JMJD1C: variants seen among roughly 807,000 people sequenced by gnomAD.
The protein encoded by JMJD1C is jumonji domain-containing protein 1C.
In JMJD1C, 31 loss-of-function variants were observed where a neutral mutation model predicts 245.3. The ratio of observed to expected loss-of-function variants is 0.13; its 90% CI spans 0.09 to 0.17. The LOEUF (loss-of-function observed/expected upper bound fraction) is 0.17, where lower values mean the gene tolerates loss of function less well. Ranked by LOEUF, JMJD1C falls within the 10% of genes least tolerant of loss-of-function variation. The pLI is 1.00. For synonymous variants in JMJD1C, 1,057 were observed against 1,017.4 expected, an observed-to-expected ratio of 1.04 and a Z score of -0.74; for missense variants, 2,691 against 3,000.2, an observed-to-expected ratio of 0.90 and a Z score of 2.41.
chr10:63,480,084 A>AT (rs961010790), intron 1 of JMJD1C, among the ~76,000 whole-genome samples: 9 of 152,242 alleles, frequency 5.9e-5, no homozygotes, highest in Admixed American at 1.3e-4. Flanking sequence ...TACTTTGACA[A>AT]TTTTTTTAAA....
intron 2 of JMJD1C, among the ~76,000 whole-genome samples, chr10:63,308,039 AC>A (rs372130823): frequency 6.6e-5 from 10 of 152,106 alleles, no homozygotes; most frequent in African/African-American, 2.4e-4. Context: ...CTGTAATACC[AC>A]CTACTCAGGA....
chr10:63,401,348 C>T (rs941089330), intron 1 of JMJD1C, among the ~76,000 whole-genome samples: 2 of 151,988 alleles, frequency 1.3e-5, no homozygotes, highest in African/African-American at 4.8e-5. Context: ...TTACTTTGGC[C>T]AACAGGTTGT....
At chr10:63,467,579 T>C (rs770677700), upstream of JMJD1C, among the ~76,000 whole-genome samples, 40 of 152,208 alleles carry the variant, frequency 2.6e-4, no homozygotes, top group Non-Finnish European at 7.3e-5. Context: ...AAAATGCATA[T>C]CGGCAAGTTG....
intron 1 of JMJD1C, among the ~76,000 whole-genome samples, chr10:63,421,733 G>T (rs1026080942): frequency 2.6e-5 from 4 of 152,110 alleles, no homozygotes; most frequent in Admixed American, 2.6e-4. Flanking sequence ...ATTAAGACTG[G>T]AGTACTTTTA....
At chr10:63,478,407 G>C (rs1340203075) in intron 1 of JMJD1C, among the ~76,000 whole-genome samples, 1 of 152,162 alleles carries the variant, frequency 6.6e-6, no homozygotes, top group Non-Finnish European at 1.5e-5. Flanking sequence ...ATGGGAAACA[G>C]GCAAACTATG....
chr10:63,209,157 C>G lies in JMJD1C; in HGVS notation c.2773G>C (p.Val925Leu). The G allele has an allele frequency of 6.2e-7, 1 of 1,613,892 alleles. No homozygotes were observed. The highest frequency in any genetic ancestry group is 8.5e-7 in the Non-Finnish European group (1 of 1,179,886). ...DGIGLLSHIP[V>L]RPSSAEPHRP... Reference sequence around the variant, plus strand: ...TGAGGCTCTGCACTGGAAGGTCTGACAGGAATGTGACTAAGTAATCCAATA... The same window carrying G: ...TGAGGCTCTGCACTGGAAGGTCTGAGAGGAATGTGACTAAGTAATCCAATA... The change falls in exon 9 of 26, where the codon GTC (valine) becomes CTC (leucine). Residue 925 changes from valine (V) to leucine (L), a missense_variant. Physicochemically the swap from Val to Leu is conservative, Grantham distance 32. Transcript: ENST00000399262.
chr10:63,180,818 G>C (rs927935306), intron 22 of JMJD1C, among the ~76,000 whole-genome samples: 10 of 150,486 alleles, frequency 6.6e-5, no homozygotes, highest in Admixed American at 3.3e-4. Flanking sequence ...GCCCAGGCTG[G>C]AGTGCAGTGG....
intron 2 of JMJD1C, among the ~76,000 whole-genome samples, chr10:63,299,770 C>T (rs567846142): frequency 2.4e-4 from 37 of 152,094 alleles, no homozygotes; most frequent in African/African-American, 8.0e-4. Flanking sequence ...TACAAGAATG[C>T]CCTCATCCTT....
chr10:63,242,220 C>T (rs960923823), intron 3 of JMJD1C, among the ~76,000 whole-genome samples: 2 of 152,128 alleles, frequency 1.3e-5, no homozygotes, highest in Admixed American at 1.3e-4. Flanking sequence ...GTGCAGTATT[C>T]AGCATTTAGA....
At chr10:63,483,911 G>A (rs1170848414) in intron 1 of JMJD1C, among the ~76,000 whole-genome samples, 1 of 152,138 alleles carries the variant, frequency 6.6e-6, no homozygotes, top group Non-Finnish European at 1.5e-5. Context: ...TTCAGTAAAT[G>A]CACTAATACT....
chr10:63,271,593 T>A (rs1289419021), intron 2 of JMJD1C, among the ~76,000 whole-genome samples: 3 of 151,564 alleles, frequency 2.0e-5, no homozygotes, highest in Non-Finnish European at 2.9e-5. Context: ...CTCATGTTGC[T>A]CAGGCTGGAG....
intron 1 of JMJD1C, chr10:63,489,428 ATATGAG>A (rs937789372): frequency 6.6e-6 from 1 of 152,478 alleles, no homozygotes; most frequent in African/African-American, 2.4e-5. Context: ...TAAATAAATA[ATATGAG>A]TATAAGCTAC....
intron 3 of JMJD1C, among the ~76,000 whole-genome samples, chr10:63,249,437 T>C (rs1266933152): frequency 6.6e-6 from 1 of 152,142 alleles, no homozygotes; most frequent in African/African-American, 2.4e-5. Context: ...TTAATGGATA[T>C]AAATATACAA....
chr10:63,183,328 T>A, intron 22 of JMJD1C, 119 bp downstream of exon 22: 1 of 826,664 alleles, frequency 1.2e-6, no homozygotes, highest in East Asian at 2.8e-5. Flanking sequence ...TGCCCCTACA[T>A]CCATTGCAAT....
chr10:63,312,803 CTAATA>C (rs1330945555), intron 2 of JMJD1C, among the ~76,000 whole-genome samples: 1 of 152,072 alleles, frequency 6.6e-6, no homozygotes, highest in Non-Finnish European at 1.5e-5. Flanking sequence ...CTCTGATTAC[CTAATA>C]TAATTATAAA....
At chr10:63,396,427 T>C (rs1288610712) in intron 1 of JMJD1C, among the ~76,000 whole-genome samples, 1 of 152,200 alleles carries the variant, frequency 6.6e-6, no homozygotes, top group East Asian at 1.9e-4. Context: ...CACCTCTCCT[T>C]TTTTATTTTT....
At chr10:63,442,859 C>T (rs1262455202) in intron 1 of JMJD1C, among the ~76,000 whole-genome samples, 1 of 152,066 alleles carries the variant, frequency 6.6e-6, no homozygotes, top group Non-Finnish European at 1.5e-5. Flanking sequence ...TTTTTTTCCT[C>T]CTAACACCAA....
intron 3 of JMJD1C, among the ~76,000 whole-genome samples, chr10:63,226,960 C>T (rs560677407): frequency 8.6e-5 from 13 of 152,028 alleles, no homozygotes; most frequent in South Asian, 4.2e-4. Flanking sequence ...CCCAGCTACT[C>T]GGGAGGCTGA....
At position 63,208,535 on chromosome 10, in the gene JMJD1C, T is replaced by C. The variant is rs759910964; in HGVS notation, c.3134A>G (p.Glu1045Gly). Residue 1045 changes from glutamate to glycine, a missense_variant, in exon 10 of 26, where the codon GAG (glutamate) becomes GGG (glycine). Physicochemically the swap from Glu to Gly is moderately conservative, Grantham distance 98. This residue lies in a region of JMJD1C where 1,562 missense variants were observed against 1,490.7 expected (regional missense o/e 1.05). Transcript: ENST00000399262. ...FTTKIKGLEGERENYSRVASS... is the reference protein window; with the variant it reads ...FTTKIKGLEGGRENYSRVASS... ...TGCCACTCTGGAATAATTCTCTCTC[T>C]CACCCTCAAGTCCCTTGATTTTAGT... The C allele has an allele frequency of 6.2e-7, 1 of 1,614,166 alleles. No homozygotes were observed. The highest frequency in any genetic ancestry group is 8.5e-7 in the Non-Finnish European group (1 of 1,179,998).
Sources: gnomAD v4.1 joint callset for allele counts (sites outside exome capture counted in the v4.1 genomes callset) on GRCh38, gnomAD v4.1.1 for gene constraint, gnomAD v4.1.1 regional missense constraint, MANE v1.5 for transcripts, NCBI Gene and HGNC (gene_info 2026-07-23, HGNC 2026-07-21) for gene names.